EIF4A1: variants seen among roughly 807,000 people sequenced by gnomAD.
The protein encoded by EIF4A1 is eukaryotic translation initiation factor 4A1.
A neutral mutation model predicts 53.5 loss-of-function variants in EIF4A1; 11 were observed. The observed-to-expected ratio is 0.21, with a 90% confidence interval of 0.13 to 0.34. The LOEUF is 0.34. Among genes scored for constraint, EIF4A1 ranks in the 10% least tolerant of loss-of-function variants. The pLI is 1.00. For missense variants in EIF4A1, 213 were observed against 530.8 expected, an observed-to-expected ratio of 0.40 and a Z score of 5.88; for synonymous variants, 237 against 186.7, an observed-to-expected ratio of 1.27 and a Z score of -2.20.
chr17:7,573,301 G>C (rs1016165484), intron 1 of EIF4A1: 2 of 287,706 alleles, frequency 7.0e-6, no homozygotes, highest in African/African-American at 4.5e-5. Context: ...CGAGAGGCGG[G>C]GGTGCCTGGT....
intron 5 of EIF4A1, 88 bp downstream of exon 5, chr17:7,576,780 A>G (rs1353445810): frequency 1.3e-6 from 2 of 1,551,542 alleles, no homozygotes; most frequent in East Asian, 2.3e-5. Context: ...GTCATTCCCA[A>G]GGATGCTGGT....
rs375223828 is a variant in EIF4A1 at position 7,576,711 on chromosome 17, C to G, written c.514+19C>G. On this transcript the variant is annotated intron_variant, in intron 5 of 10. Coordinates refer to ENST00000293831, the MANE Select transcript of EIF4A1 (RefSeq NM_001416.4). The stretch of plus-strand genomic sequence containing the variant: ...TACCTGTGTGAGTAATTCGGTTCTC[C>G]AATCCCCTGGGTCACTTTGCTCTTG... The G allele has an allele frequency of 1.7e-5, 27 of 1,586,700 alleles. No homozygotes were observed. The highest frequency in any genetic ancestry group is 1.6e-4 in the Admixed American group (9 of 57,270).
At chr17:7,573,938 G>A in intron 1 of EIF4A1, 1 of 346,454 alleles carries the variant, frequency 2.9e-6, no homozygotes. Context: ...GGCTTTAAGC[G>A]GCTGGGTCGG....
chr17:7,572,979 G>C (rs1038938464), intron 1 of EIF4A1, 115 bp downstream of exon 1: 11 of 1,583,066 alleles, frequency 6.9e-6, no homozygotes, highest in East Asian at 4.5e-5. Flanking sequence ...CGAACCGGGT[G>C]GGGGGAGGGT....
At chr17:7,575,811 A>C in intron 4 of EIF4A1, 1 of 218,236 alleles carries the variant, frequency 4.6e-6, no homozygotes, top group South Asian at 6.8e-5. Context: ...CAGAGTGAAC[A>C]TGCCTCGTAG....
intron 3 of EIF4A1, 104 bp downstream of exon 3, chr17:7,574,782 C>G: frequency 1.3e-6 from 2 of 1,570,616 alleles, no homozygotes; most frequent in Non-Finnish European, 1.7e-6. Context: ...GACAAAGCAA[C>G]TCCTTGTTCA....
In EIF4A1 at chr17:7,578,725, C is replaced by A; in HGVS notation, c.*239C>A. ...CAAAAAAAAAAAAAAAACACTAATCCATTTCCCTAACCTAGTAACCTCCAG... is the reference window on the plus strand; with the variant it reads ...CAAAAAAAAAAAAAAAACACTAATCAATTTCCCTAACCTAGTAACCTCCAG... On this transcript the variant is annotated 3_prime_UTR_variant, in exon 11 of 11. Coordinates refer to ENST00000293831, the MANE Select transcript of EIF4A1 (RefSeq NM_001416.4). 2.7e-6 allele frequency: 1 copy of A among 366,032 alleles called. No individual in the cohort carries two copies. Among genetic ancestry groups the A allele is most frequent in the Non-Finnish European group, 4.8e-6 (1 of 206,254 alleles). The allele number at this position is 366,032 out of a possible 1,614,324, so 22.7% of individuals were successfully genotyped here.
Position 7,577,192 on chromosome 17 carries a change from A to G in EIF4A1, c.624+27A>G, listed in dbSNP as rs1169993982. The G allele has an allele frequency of 1.3e-6, 2 of 1,572,290 alleles. No homozygotes were observed. The highest frequency in any genetic ancestry group is 8.6e-7 in the Non-Finnish European group (1 of 1,163,120). On this transcript the variant is annotated intron_variant, in intron 6 of 10. Transcript: ENST00000293831. This position sits in a 1 kb window ranked among gnomAD's most constrained non-coding sequence, Gnocchi z 4.7. Reference sequence around the variant, plus strand: ...TGAGGGCAGTCTTGCTTGAATAGCTAATGATTCTTGAAAAATAGTAAGTGC... The same window carrying G: ...TGAGGGCAGTCTTGCTTGAATAGCTGATGATTCTTGAAAAATAGTAAGTGC...
At position 7,576,998 on chromosome 17, in the gene EIF4A1, A is replaced by C. The variant is rs75223220; in HGVS notation, c.515-58A>C. On this transcript the variant is annotated intron_variant, in intron 5 of 10. Coordinates refer to ENST00000293831, the MANE Select transcript of EIF4A1 (RefSeq NM_001416.4). The stretch of plus-strand genomic sequence containing the variant: ...GTTTTTTATCAGCGAAGTTGGATAT[A>C]TCTCTCCCACATTTCCCTAATCATA... 2.6e-3 allele frequency: 4,153 copies of C among 1,591,174 alleles called. 86 individuals carry two copies. In the African/African-American group the frequency reaches 0.049, roughly 19 times the overall value.
At chr17:7,573,123 G>T (rs1318649394) in intron 1 of EIF4A1, 1 of 606,670 alleles carries the variant, frequency 1.6e-6, no homozygotes. Context: ...GGTGCCATGC[G>T]CGAAGCCCCG....
intron 1 of EIF4A1, chr17:7,573,111 G>GCCT: frequency 1.6e-6 from 1 of 620,144 alleles, no homozygotes; most frequent in Non-Finnish European, 2.8e-6. Context: ...TCGACCCGAG[G>GCCT]CGGTGCCATG....
intron 1 of EIF4A1, 57 bp downstream of exon 1, chr17:7,572,921 GGGCCCGCCGGGGGTAGCTGAGA>G: frequency 6.2e-6 from 10 of 1,614,076 alleles, no homozygotes; most frequent in Non-Finnish European, 8.5e-6. Context: ...CCCTTCCGAC[GGGCCCGCCGGGGGTAGCTGAGA>G]GGCCCACCAG....
At chr17:7,576,849 G>A in intron 5 of EIF4A1, 157 bp downstream of exon 5, 1 of 1,435,896 alleles carries the variant, frequency 7.0e-7, no homozygotes, top group Non-Finnish European at 9.7e-7. Context: ...CTGAGCCTCT[G>A]GCTTCCCTGC....
intron 4 of EIF4A1, 133 bp downstream of exon 4, chr17:7,575,391 T>C (rs2150925431): frequency 7.7e-7 from 1 of 1,291,666 alleles, no homozygotes; most frequent in Middle Eastern, 1.8e-4. Flanking sequence ...CGAGACCTGC[T>C]GGGTTAATTA....
chr17:7,578,065 C>G, intron 9 of EIF4A1, 100 bp from the exon 10 acceptor site: 1 of 1,584,480 alleles, frequency 6.3e-7, no homozygotes, highest in South Asian at 1.1e-5. Flanking sequence ...TGCTTATTTC[C>G]TCTGCCTTCC....
At position 7,577,948 on chromosome 17, in the gene EIF4A1, A is replaced by AG. The variant is rs1555568267; in HGVS notation, c.996+35dup. On this transcript the variant is annotated intron_variant, in intron 9 of 10. Transcript: ENST00000293831. The surrounding 1 kb of genome is among the most constrained non-coding windows in gnomAD (Gnocchi z 4.7). Reference sequence around the variant, plus strand: ...AGAGGGAACTGATAGCAAAGGCAGAAGGGAGGATCCAAGGTGATTCCCTCT... The same window carrying AG: ...AGAGGGAACTGATAGCAAAGGCAGAAGGGGAGGATCCAAGGTGATTCCCTCT... 3 of 1,613,544 alleles carry AG rather than the reference A, an allele frequency of 1.9e-6. No homozygotes were observed. Among genetic ancestry groups the AG allele is most frequent in the Non-Finnish European group, 2.5e-6 (3 of 1,179,422 alleles).
chr17:7,572,956 T>C, intron 1 of EIF4A1, 92 bp downstream of exon 1: 1 of 1,610,654 alleles, frequency 6.2e-7, no homozygotes, highest in East Asian at 2.2e-5. Context: ...CCCACCAGGG[T>C]TGCGGGAGAA....
chr17:7,575,269 C>T lies in EIF4A1; in HGVS notation c.345+11C>T, dbSNP rs757712828. 9.9e-6 allele frequency: 16 copies of T among 1,613,706 alleles called. No individual in the cohort carries two copies. In the Admixed American group the frequency reaches 2.7e-4, roughly 27 times the overall value. On this transcript the variant is annotated intron_variant, in intron 4 of 10. Transcript: ENST00000293831. ...GAATTGGCTCAGCAGGTAAGAGTGGCTTCTATTCCCTCCTTCAGGGCTGAT... is the reference window on the plus strand; with the variant it reads ...GAATTGGCTCAGCAGGTAAGAGTGGTTTCTATTCCCTCCTTCAGGGCTGAT...
chr17:7,576,716 C>A, intron 5 of EIF4A1, 24 bp downstream of exon 5: 1 of 1,582,340 alleles, frequency 6.3e-7, no homozygotes, highest in Non-Finnish European at 8.6e-7. Flanking sequence ...TTCTCCAATC[C>A]CCTGGGTCAC....
Sources: gnomAD v4.1 joint callset for allele counts on GRCh38, gnomAD v4.1.1 for gene constraint, Gnocchi (gnomAD v3.1) non-coding constraint, MANE v1.5 for transcripts, NCBI Gene and HGNC (gene_info 2026-07-23, HGNC 2026-07-21) for gene names.